Variants in VIL1 observed in about 807,000 individuals in gnomAD.
The protein encoded by VIL1 is villin-1.
VIL1 carries 86 observed loss-of-function variants against 104.0 expected under a neutral mutation model. The ratio of observed to expected loss-of-function variants is 0.83; its 90% CI spans 0.69 to 0.99. The LOEUF is 0.99. Among genes scored for constraint, VIL1 ranks in the 50% least tolerant of loss-of-function variants. The pLI is 0.00. For synonymous variants in VIL1, 394 were observed against 412.6 expected (o/e 0.95, Z 0.55); for missense variants, 944 against 1,054.1 (o/e 0.90, Z 1.45).
rs991411167 is a variant in VIL1 at position 218,452,159 on chromosome 2, T to C, written c.*2823T>C. On this transcript the variant is annotated 3_prime_UTR_variant, in exon 20 of 20. Transcript: ENST00000248444. ...TTCCAACAAAGATCAAAAGGTTGTA[T>C]CTAGAACTAATTGCCATCAAGTTCC... The C allele has an allele frequency of 6.6e-6, 1 of 152,200 alleles. No homozygotes were observed. The highest frequency in any genetic ancestry group is 6.5e-5 in the Admixed American group (1 of 15,268). 9.4% of individuals were successfully genotyped at this position (152,200 alleles called of 1,614,324 possible). A position where few individuals can be genotyped will look rare whatever the true frequency, so the allele number is the denominator to read the frequency against.
chr2:218,430,007 A>T, intron 9 of VIL1, 60 bp downstream of exon 9: 2 of 1,467,674 alleles, frequency 1.4e-6, no homozygotes, highest in Non-Finnish European at 1.9e-6. Context: ...GGGAGAGAGC[A>T]GATAGCAGCA....
intron 19 of VIL1, among the ~76,000 whole-genome samples, chr2:218,444,468 C>T (rs1335769274): frequency 2.6e-5 from 4 of 151,684 alleles, no homozygotes; most frequent in Admixed American, 6.6e-5. Context: ...TTAGTAGAGA[C>T]GGGGTTTCAC....
chr2:218,435,232 G>T, intron 14 of VIL1, 57 bp from the exon 15 acceptor site: 1 of 1,589,236 alleles, frequency 6.3e-7, no homozygotes, highest in Non-Finnish European at 8.6e-7. Context: ...AGTGAATGTA[G>T]TAGGAGGGTG....
At position 218,427,757 on chromosome 2, in the gene VIL1, T is replaced by A. The variant is rs527736969; in HGVS notation, c.348-208T>A. On this transcript the variant is annotated intron_variant, in intron 4 of 19. Coordinates refer to ENST00000248444, the MANE Select transcript of VIL1 (RefSeq NM_007127.3). ...AAGGTTGCTCTCACTGTCAGGGTCG[T>A]GCAAGGGCATGCCACAGGCAGACCT... Among the ~76,000 whole-genome samples, 146 of 152,284 alleles carry A rather than the reference T, an allele frequency of 9.6e-4. 1 individual carries two copies. Among genetic ancestry groups the A allele is most frequent in the African/African-American group, 3.4e-3 (141 of 41,572 alleles).
At chr2:218,433,068 A>G (rs1314532234) in intron 13 of VIL1, 117 bp downstream of exon 13, 1 of 1,267,462 alleles carries the variant, frequency 7.9e-7, no homozygotes, top group African/African-American at 1.5e-5. Context: ...CATTCTTCAT[A>G]GGAGACTACC....
chr2:218,443,387 G>A (rs755657414), intron 19 of VIL1, among the ~76,000 whole-genome samples: 2 of 151,492 alleles, frequency 1.3e-5, no homozygotes, highest in Non-Finnish European at 2.9e-5. Flanking sequence ...TAGTAGAGAC[G>A]GGGTTTCACC....
At position 218,425,721 on chromosome 2, in the gene VIL1, A is replaced by G. The variant is rs1338809823; in HGVS notation, c.257A>G (p.Asp86Gly). 3 of 1,614,164 alleles carry G rather than the reference A, an allele frequency of 1.9e-6. No individual in the cohort carries two copies. In the South Asian group the frequency reaches 3.3e-5, roughly 18 times the overall value. ...GAAAIYTTQM[D>G]DFLKGRAVQH... ...GCTGCCATCTACACCACACAGATGGATGACTTCCTGAAGGGCCGGGCTGTG... is the reference window on the plus strand; with the variant it reads ...GCTGCCATCTACACCACACAGATGGGTGACTTCCTGAAGGGCCGGGCTGTG... The change falls in exon 4 of 20, where the codon GAT becomes GGT. Residue 86 changes from aspartate (D) to glycine (G), a missense_variant. Asp to Gly is a moderately conservative substitution (Grantham distance 94). Transcript: ENST00000248444.
At chr2:218,437,033 G>C in intron 16 of VIL1, 91 bp from the exon 17 acceptor site, 1 of 1,475,952 alleles carries the variant, frequency 6.8e-7, no homozygotes, top group Non-Finnish European at 9.3e-7. Context: ...TCAGGGTCAA[G>C]GTCAGGGTTT....
chr2:218,431,808 G>C (rs1689102859), intron 10 of VIL1, 49 bp from the exon 11 acceptor site: 2 of 1,515,514 alleles, frequency 1.3e-6, no homozygotes, highest in Non-Finnish European at 1.8e-6. Context: ...GTGAGGACCT[G>C]GGAGACCTCA....
rs1233264201 is a variant in VIL1, at chr2:218,451,782, T to G, written c.*2446T>G. On this transcript the variant is annotated 3_prime_UTR_variant, in exon 20 of 20. Transcript: ENST00000248444. ...ACTGATCTGTAAGAACCACTGCATA[T>G]GTCTTAAAATGTAAACATATTTACA... is the stretch of plus-strand genomic sequence containing the variant. 6.6e-6 allele frequency: 1 copy of G among 152,666 alleles called. No individual in the cohort carries two copies. Among genetic ancestry groups the G allele is most frequent in the Non-Finnish European group, 1.5e-5 (1 of 68,046 alleles). The allele number at this position is 152,666 out of a possible 1,614,324, so 9.5% of individuals were successfully genotyped here.
At position 218,437,205 on chromosome 2, in the gene VIL1, C is replaced by T. The variant is rs1330870925; in HGVS notation, c.2053C>T (p.His685Tyr). 1 of 1,614,094 alleles carries T rather than the reference C, an allele frequency of 6.2e-7. No homozygotes were observed. Among genetic ancestry groups the T allele is most frequent in the Non-Finnish European group, 8.5e-7 (1 of 1,180,038 alleles). ...CACTGCACAGGAATACCTCAAGACC[C>T]ATCCCAGCGGGCGTGACCCTGAGAC... ...ATTAQEYLKT[H>Y]PSGRDPETPI... Residue 685 changes from histidine (H) to tyrosine (Y), a missense_variant, in exon 17 of 20, where the codon CAT (histidine) becomes TAT (tyrosine). Transcript: ENST00000248444.
At chr2:218,422,617 G>A (rs916114552) in intron 1 of VIL1, among the ~76,000 whole-genome samples, 1 of 152,200 alleles carries the variant, frequency 6.6e-6, no homozygotes, top group Admixed American at 6.5e-5. Context: ...GCTCAGAAAA[G>A]GGAGTTTCTA....
intron 15 of VIL1, among the ~76,000 whole-genome samples, 175 bp from the exon 16 acceptor site, chr2:218,436,307 T>G (rs1689188938): frequency 6.6e-6 from 1 of 152,084 alleles, no homozygotes; most frequent in Non-Finnish European, 1.5e-5. Flanking sequence ...CAGTGACAAT[T>G]TCTTCCTCAG....
chr2:218,444,898 T>A (rs1199616583), intron 19 of VIL1, among the ~76,000 whole-genome samples: 1 of 152,178 alleles, frequency 6.6e-6, no homozygotes, highest in Non-Finnish European at 1.5e-5. Context: ...GGGTAGTCCC[T>A]GCTATCTAGC....
At chr2:218,439,639 G>A (rs112356299) in intron 18 of VIL1, among the ~76,000 whole-genome samples, 1,820 of 151,934 alleles carry the variant, frequency 0.012, 47 homozygotes, top group African/African-American at 0.042. Flanking sequence ...CGTAACATGG[G>A]GAAACCCCAT....
rs1689507879 is a variant in VIL1, at chr2:218,452,343, G to C, written c.*3007G>C. The C allele has an allele frequency of 6.6e-6, 1 of 151,866 alleles. No individual in the cohort carries two copies. Among genetic ancestry groups the C allele is most frequent in the Non-Finnish European group, 1.5e-5 (1 of 67,988 alleles). 9.4% of individuals were successfully genotyped at this position (151,866 alleles called of 1,614,324 possible). A position where few individuals can be genotyped will look rare whatever the true frequency, so the allele number is the denominator to read the frequency against. On this transcript the variant is annotated 3_prime_UTR_variant, in exon 20 of 20. Transcript: ENST00000248444. ...TGCTAACTGCCCCATCCCCAATTCT[G>C]GGCAAACTGATCACAATGTGCAAAA... is the stretch of plus-strand genomic sequence containing the variant.
intron 11 of VIL1, 39 bp downstream of exon 11, chr2:218,431,996 G>T: frequency 6.2e-7 from 1 of 1,614,114 alleles, no homozygotes; most frequent in Non-Finnish European, 8.5e-7. Flanking sequence ...GGTGGAGCAG[G>T]AATGGTGGAG....
At chr2:218,432,266 T>C in intron 12 of VIL1, 83 bp downstream of exon 12, 1 of 1,545,930 alleles carries the variant, frequency 6.5e-7, no homozygotes, top group Non-Finnish European at 8.7e-7. Context: ...CCATCACCCT[T>C]GGGTTGAATA....
At position 218,424,036 on chromosome 2, in the gene VIL1, C is replaced by T. The variant is rs541509350; in HGVS notation, c.75+183C>T. On this transcript the variant is annotated intron_variant, in intron 2 of 19. Coordinates refer to ENST00000248444, the MANE Select transcript of VIL1 (RefSeq NM_007127.3). ...GGTCTCCCTTTCCCTTTCTCCATTTCTTCTCCCTCTGTCTCTCAACCTTCC... is the reference window on the plus strand; with the variant it reads ...GGTCTCCCTTTCCCTTTCTCCATTTTTTCTCCCTCTGTCTCTCAACCTTCC... 3.5e-4 allele frequency among the ~76,000 whole-genome samples: 53 copies of T among 152,260 alleles called. No homozygotes were observed. In the South Asian group the frequency reaches 0.011, roughly 32 times the overall value.
Sources: allele counts gnomAD v4.1 joint callset (sites outside exome capture counted in the v4.1 genomes callset), GRCh38; gene constraint gnomAD v4.1.1; transcripts MANE v1.5; gene names NCBI Gene and HGNC (gene_info 2026-07-23, HGNC 2026-07-21).